ACSM4: variants seen among roughly 807,000 people sequenced by gnomAD.
ACSM4 encodes acyl-CoA synthetase medium chain family member 4.
ACSM4 carries 66 observed loss-of-function variants against 73.0 expected under a neutral mutation model. The ratio of observed to expected loss-of-function variants is 0.90; its 90% CI spans 0.74 to 1.11. The LOEUF (loss-of-function observed/expected upper bound fraction) is 1.11. Among genes scored for constraint, ACSM4 ranks in the 50% least tolerant of loss-of-function variants. ACSM4 has a pLI of 0.00. For synonymous variants in ACSM4, 222 were observed against 254.0 expected (o/e 0.87, Z 1.20); for missense variants, 645 against 714.4 (o/e 0.90, Z 1.11).
intron 5 of ACSM4, among the ~76,000 whole-genome samples, chr12:7,319,312 TA>T (rs1370719663): frequency 2.6e-5 from 4 of 152,062 alleles, no homozygotes; most frequent in Non-Finnish European, 5.9e-5. Context: ...GGGGAGTGGC[TA>T]TAAATACAGA....
In ACSM4 at chr12:7,323,448, T is replaced by C; in HGVS notation, c.1207-11T>C. 4.3e-6 allele frequency: 7 copies of C among 1,613,172 alleles called. No homozygotes were observed. The highest frequency in any genetic ancestry group is 5.9e-6 in the Non-Finnish European group (7 of 1,179,254). On this transcript the variant is annotated splice_polypyrimidine_tract_variant and intron_variant, in intron 8 of 12. Coordinates refer to ENST00000399422, the MANE Select transcript of ACSM4 (RefSeq NM_001080454.2). ...AAATTTTAAGACCATCAATTATTTC[T>C]TTCATTCCAGATTATAGATGAAAAT...
chr12:7,328,325 G>T lies in ACSM4; in HGVS notation c.1695G>T (p.Gly565=). 1 of 1,595,138 alleles carries T rather than the reference G, an allele frequency of 6.3e-7. No individual in the cohort carries two copies. Among genetic ancestry groups the T allele is most frequent in the Non-Finnish European group, 8.5e-7 (1 of 1,170,226 alleles). Residue 565 remains glycine, a synonymous_variant, in exon 13 of 13, where the codon GGG becomes GGT. Transcript: ENST00000399422. ...AAGAACTCCCAAAGACAATCACTGG[G>T]AAAATCAAACGCAACGTTTTAAGAG... ...FVQELPKTIT[G]KIKRNVLRDQ...
chr12:7,324,131 A>G, intron 9 of ACSM4, 142 bp from the exon 10 acceptor site: 1 of 982,826 alleles, frequency 1.0e-6, no homozygotes. Flanking sequence ...GCTCCAGTCT[A>G]GGCAACAGAG....
At chr12:7,322,784 C>T (rs988663143) in intron 7 of ACSM4, among the ~76,000 whole-genome samples, 9 of 152,104 alleles carry the variant, frequency 5.9e-5, no homozygotes, top group East Asian at 1.9e-4. Flanking sequence ...GAGGCGTTAG[C>T]GGGTGGGTGA....
intron 9 of ACSM4, among the ~76,000 whole-genome samples, chr12:7,323,914 C>T (rs776413081): frequency 2.1e-4 from 32 of 152,158 alleles, no homozygotes; most frequent in African/African-American, 2.9e-4. Context: ...CAGTGGCTCA[C>T]GGCTATAATT....
chr12:7,320,218 C>T (rs1464898536), intron 5 of ACSM4, among the ~76,000 whole-genome samples: 1 of 151,284 alleles, frequency 6.6e-6, no homozygotes, highest in East Asian at 2.0e-4. Context: ...ATAATGAACT[C>T]AGCAAATTTT....
chr12:7,317,339 A>G (rs764203376), intron 4 of ACSM4, 59 bp downstream of exon 4: 507 of 1,491,510 alleles, frequency 3.4e-4, no homozygotes, highest in Non-Finnish European at 4.4e-4. Context: ...GAATATGCGT[A>G]TCCAACTAAC....
At chr12:7,324,186 A>G in intron 9 of ACSM4, 87 bp from the exon 10 acceptor site, 7 of 1,471,020 alleles carry the variant, frequency 4.8e-6, no homozygotes, top group Non-Finnish European at 6.4e-6. Context: ...TATAAGTAGG[A>G]TGTGTAATGT....
chr12:7,310,588 C>A lies in ACSM4; in HGVS notation c.462C>A (p.Leu154=). 6.2e-7 allele frequency: 1 copy of A among 1,612,190 alleles called. No individual in the cohort carries two copies. The highest frequency in any genetic ancestry group is 1.1e-5 in the South Asian group (1 of 90,636). Residue 154 remains leucine, a synonymous_variant, in exon 3 of 13, where the codon CTC becomes CTA. Coordinates refer to ENST00000399422, the MANE Select transcript of ACSM4 (RefSeq NM_001080454.2). ...GTIQLTAKDI[L]YRLRASKAKC... is the part of the protein sequence containing the mutation. ...TCCAGCTGACAGCAAAAGACATCCT[C>A]TACCGGCTGCGAGCATCCAAGGCCA...
At position 7,322,450 on chromosome 12, in the gene ACSM4, C is replaced by T. The variant is rs1424900835; in HGVS notation, c.1034C>T (p.Thr345Ile). ...YKFKSLRHCL[T>I]GGEPLNPEVL... ...TTCAAGAGTCTGCGGCACTGCTTGA[C>T]CGGAGGGGAGCCACTCAACCCAGAA... The change falls in exon 7 of 13, where the codon ACC becomes ATC. Residue 345 changes from threonine (T) to isoleucine (I), a missense_variant. Thr to Ile is a moderately conservative substitution (Grantham distance 89). Coordinates refer to ENST00000399422, the MANE Select transcript of ACSM4 (RefSeq NM_001080454.2). 3.1e-6 allele frequency: 5 copies of T among 1,613,694 alleles called. No homozygotes were observed. Among genetic ancestry groups the T allele is most frequent in the Non-Finnish European group, 4.2e-6 (5 of 1,179,846 alleles).
chr12:7,321,003 G>A (rs549531960), intron 6 of ACSM4, among the ~76,000 whole-genome samples, 199 bp downstream of exon 6: 21 of 152,092 alleles, frequency 1.4e-4, no homozygotes, highest in Non-Finnish European at 2.4e-4. Flanking sequence ...TCTATTAGAC[G>A]CCAGTAGCAC....
Position 7,328,558 on chromosome 12 carries a change from T to C in ACSM4, c.*185T>C, listed in dbSNP as rs899528135. The C allele has an allele frequency of 8.1e-6, 3 of 371,032 alleles. No homozygotes were observed. Among genetic ancestry groups the C allele is most frequent in the Non-Finnish European group, 1.5e-5 (3 of 204,076 alleles). 23.0% of individuals were successfully genotyped at this position (371,032 alleles called of 1,614,324 possible). A position where few individuals can be genotyped will look rare whatever the true frequency, so the allele number is the denominator to read the frequency against. On this transcript the variant is annotated 3_prime_UTR_variant, in exon 13 of 13. Coordinates refer to ENST00000399422, the MANE Select transcript of ACSM4 (RefSeq NM_001080454.2). ...AGTAAATAAAAGCCTCAAAAACGTATGGATGAAAATTGTTATAATGACCAA... is the reference window on the plus strand; with the variant it reads ...AGTAAATAAAAGCCTCAAAAACGTACGGATGAAAATTGTTATAATGACCAA...
Position 7,304,264 on chromosome 12 carries a change from T to C in ACSM4, c.-68T>C, listed in dbSNP as rs1946348412. On this transcript the variant is annotated 5_prime_UTR_variant, in exon 1 of 13. Coordinates refer to ENST00000399422, the MANE Select transcript of ACSM4 (RefSeq NM_001080454.2). The stretch of plus-strand genomic sequence containing the variant: ...AGAGCATCAAGAAACTGATACTCTC[T>C]ATCCATCTCTCCCTACAGGCTGTAG... 1 of 1,494,356 alleles carries C rather than the reference T, an allele frequency of 6.7e-7. No homozygotes were observed. The highest frequency in any genetic ancestry group is 2.3e-5 in the East Asian group (1 of 44,252). 92.6% of individuals were successfully genotyped at this position (1,494,356 alleles called of 1,614,324 possible).
intron 4 of ACSM4, among the ~76,000 whole-genome samples, 153 bp downstream of exon 4, chr12:7,317,433 G>A (rs1946429816): frequency 6.6e-6 from 1 of 152,142 alleles, no homozygotes; most frequent in Admixed American, 6.5e-5. Flanking sequence ...GCCCAACCTA[G>A]CTCAGTAAAT....
intron 11 of ACSM4, among the ~76,000 whole-genome samples, chr12:7,325,213 A>G (rs1946494952): frequency 6.6e-6 from 1 of 152,228 alleles, no homozygotes; most frequent in Admixed American, 6.5e-5. Flanking sequence ...CCCACCAGAG[A>G]GAAGTTAGGG....
At chr12:7,312,662 C>T (rs1401915246) in intron 3 of ACSM4, among the ~76,000 whole-genome samples, 1 of 152,164 alleles carries the variant, frequency 6.6e-6, no homozygotes, top group African/African-American at 2.4e-5. Flanking sequence ...ATTGCTGAAA[C>T]TCTTTATCTT....
chr12:7,324,641 A>T (rs1946490481), intron 11 of ACSM4, 43 bp downstream of exon 11: 1 of 1,595,126 alleles, frequency 6.3e-7, no homozygotes, highest in Non-Finnish European at 8.6e-7. Flanking sequence ...TCATATTTTC[A>T]AGTTCTGTCC....
chr12:7,310,801 A>G lies in ACSM4; in HGVS notation c.620+55A>G, dbSNP rs777308314. The G allele has an allele frequency of 5.4e-5, 83 of 1,524,662 alleles. No individual in the cohort carries two copies. In the African/African-American group the frequency reaches 8.5e-4, roughly 16 times the overall value. 94.4% of individuals were successfully genotyped at this position (1,524,662 alleles called of 1,614,324 possible). A position where few individuals can be genotyped will look rare whatever the true frequency, so the allele number is the denominator to read the frequency against. On this transcript the variant is annotated intron_variant, in intron 3 of 12. Coordinates refer to ENST00000399422, the MANE Select transcript of ACSM4 (RefSeq NM_001080454.2). ...GCTGGCAACAACACAAATTATAGCT[A>G]TATCTTGGAATCTCTTTGCCTCCAA... is the stretch of plus-strand genomic sequence containing the variant.
At chr12:7,311,296 TG>T (rs1946389006) in intron 3 of ACSM4, among the ~76,000 whole-genome samples, 5 of 152,156 alleles carry the variant, frequency 3.3e-5, no homozygotes, top group Non-Finnish European at 7.4e-5. Flanking sequence ...CTGTGGCCTA[TG>T]ATGAGTATCC....
Sources: allele counts gnomAD v4.1 joint callset (sites outside exome capture counted in the v4.1 genomes callset), GRCh38; gene constraint gnomAD v4.1.1; transcripts MANE v1.5; gene names NCBI Gene and HGNC (gene_info 2026-07-23, HGNC 2026-07-21).